The following TADA2A variants were observed in gnomAD, a reference collection of about 807,000 sequenced individuals.
TADA2A encodes transcriptional adapter 2-alpha.
In TADA2A, 38 loss-of-function variants were observed where a neutral mutation model predicts 67.4. The observed-to-expected ratio is 0.56, with a 90% confidence interval of 0.44 to 0.74. The LOEUF (loss-of-function observed/expected upper bound fraction) is 0.74, where lower values mean the gene tolerates loss of function less well. Among genes scored for constraint, TADA2A ranks in the 30% least tolerant of loss-of-function variants. TADA2A has a pLI of 0.00. For missense variants in TADA2A, 454 were observed against 547.0 expected (o/e 0.83, Z 1.70); for synonymous variants, 192 against 181.6 (o/e 1.06, Z -0.46).
intron 11 of TADA2A, 154 bp downstream of exon 11, chr17:37,465,695 T>C: frequency 7.1e-7 from 1 of 1,399,886 alleles, no homozygotes; most frequent in Non-Finnish European, 9.6e-7. Flanking sequence ...TTTGGGACTA[T>C]GGGGGTGGCA....
chr17:37,437,762 C>T lies in TADA2A; in HGVS notation c.217C>T (p.Pro73Ser). The T allele has an allele frequency of 6.2e-7, 1 of 1,614,102 alleles. No individual in the cohort carries two copies. Among genetic ancestry groups the T allele is most frequent in the South Asian group, 1.1e-5 (1 of 91,078 alleles). Residue 73 changes from proline (P) to serine (S), a missense_variant, in exon 5 of 16, where the codon CCC becomes TCC. Physicochemically the swap from Pro to Ser is moderately conservative, Grantham distance 74. This residue lies in a region of TADA2A where 403 missense variants were observed against 455.5 expected (regional missense o/e 0.88). Transcript: ENST00000615182. ...GACTTCAGATTTTCCTGTCCTTGAT[C>T]CCAGCTGGACTGCTCAAGAAGAAAT... ...IMTSDFPVLD[P>S]SWTAQEEMAL...
chr17:37,428,904 G>A (rs2052487179), intron 4 of TADA2A, among the ~76,000 whole-genome samples: 1 of 152,014 alleles, frequency 6.6e-6, no homozygotes, highest in South Asian at 2.1e-4. Context: ...AAATTAGCCA[G>A]GTGTGGTGGT....
At chr17:37,459,321 C>T (rs1049691734) in intron 9 of TADA2A, among the ~76,000 whole-genome samples, 1 of 148,812 alleles carries the variant, frequency 6.7e-6, no homozygotes, top group Non-Finnish European at 1.5e-5. Flanking sequence ...CTCGTTCTGT[C>T]ACCCAGGATG....
At chr17:37,442,690 T>A (rs370974340) in intron 7 of TADA2A, 38 bp downstream of exon 7, 37 of 1,590,822 alleles carry the variant, frequency 2.3e-5, no homozygotes, top group African/African-American at 5.4e-5. Context: ...GTAGGAAAAA[T>A]TCATTTTTGT....
chr17:37,435,251 A>G (rs1369503460), intron 4 of TADA2A, among the ~76,000 whole-genome samples: 1 of 152,212 alleles, frequency 6.6e-6, no homozygotes, highest in African/African-American at 2.4e-5. Flanking sequence ...CAATTTAAAT[A>G]CGAGACTACA....
chr17:37,434,010 A>G (rs956373309), intron 4 of TADA2A, among the ~76,000 whole-genome samples: 20 of 152,086 alleles, frequency 1.3e-4, no homozygotes, highest in African/African-American at 4.6e-4. Flanking sequence ...ACTAGTAACT[A>G]TAGATTTTAT....
At chr17:37,459,510 C>G (rs2053492688) in intron 9 of TADA2A, among the ~76,000 whole-genome samples, 1 of 151,108 alleles carries the variant, frequency 6.6e-6, no homozygotes, top group Non-Finnish European at 1.5e-5. Context: ...CTTGAACTCC[C>G]CACCTTAAGT....
At chr17:37,432,093 C>T (rs539326806) in intron 4 of TADA2A, among the ~76,000 whole-genome samples, 1 of 152,022 alleles carries the variant, frequency 6.6e-6, no homozygotes, top group South Asian at 2.1e-4. Context: ...TATTCTAGAA[C>T]TGCATATATA....
chr17:37,465,649 TTCTC>T (rs752359981), intron 11 of TADA2A, 108 bp downstream of exon 11: 3 of 1,529,652 alleles, frequency 2.0e-6, no homozygotes, highest in Non-Finnish European at 2.6e-6. Flanking sequence ...AAATGGATAT[TTCTC>T]TCTTTGTTCC....
At chr17:37,423,748 C>CTTTTTTT in intron 3 of TADA2A, 133 bp downstream of exon 3, 1 of 635,884 alleles carries the variant, frequency 1.6e-6, no homozygotes. Context: ...TTTTCTTTTT[C>CTTTTTTT]TTTCTTTTTT....
chr17:37,433,622 G>A (rs2052635265), intron 4 of TADA2A, among the ~76,000 whole-genome samples: 1 of 151,928 alleles, frequency 6.6e-6, no homozygotes, highest in Admixed American at 6.6e-5. Flanking sequence ...TCACACCAGT[G>A]CACTCCAGCC....
intron 8 of TADA2A, chr17:37,450,632 A>G (rs761172946): frequency 2.0e-5 from 3 of 152,234 alleles, no homozygotes; most frequent in African/African-American, 4.8e-5. Context: ...CCTTGTAGCA[A>G]TGGACAAATT....
At chr17:37,470,637 C>G in intron 13 of TADA2A, 105 bp downstream of exon 13, 1 of 1,238,776 alleles carries the variant, frequency 8.1e-7, no homozygotes. Flanking sequence ...AATTGAGTAG[C>G]TGGAAGAATT....
chr17:37,420,224 A>G (rs2052190077), intron 2 of TADA2A, among the ~76,000 whole-genome samples: 1 of 146,060 alleles, frequency 6.8e-6, no homozygotes. Context: ...CTGGGGCAGA[A>G]GGATCACTTG....
chr17:37,474,912 T>C (rs370904925), intron 15 of TADA2A, among the ~76,000 whole-genome samples: 1 of 152,192 alleles, frequency 6.6e-6, no homozygotes, highest in African/African-American at 2.4e-5. Context: ...GCACTTACCA[T>C]GTGCTACTCT....
intron 10 of TADA2A, among the ~76,000 whole-genome samples, chr17:37,463,757 A>G (rs1170285493): frequency 1.3e-5 from 2 of 150,850 alleles, no homozygotes; most frequent in Non-Finnish European, 3.0e-5. Flanking sequence ...TGATTCTCCC[A>G]CCTCAGCCTC....
chr17:37,419,327 C>T (rs1473710473), intron 2 of TADA2A, among the ~76,000 whole-genome samples: 1 of 145,006 alleles, frequency 6.9e-6, no homozygotes, highest in Admixed American at 7.0e-5. Context: ...CACCACTGCA[C>T]CTGCCTAATT....
intron 8 of TADA2A, among the ~76,000 whole-genome samples, chr17:37,445,227 G>A (rs2147982054): frequency 6.6e-6 from 1 of 152,272 alleles, no homozygotes; most frequent in African/African-American, 2.4e-5. Flanking sequence ...GGAATTTCTT[G>A]TTTCTCAGGA....
chr17:37,439,184 C>T (rs957366816), intron 5 of TADA2A, among the ~76,000 whole-genome samples: 2 of 152,038 alleles, frequency 1.3e-5, no homozygotes, highest in Non-Finnish European at 2.9e-5. Context: ...TCACTATAAC[C>T]CCGAACTCCT....
Sources: allele counts gnomAD v4.1 joint callset (sites outside exome capture counted in the v4.1 genomes callset), GRCh38; gene constraint gnomAD v4.1.1; regional missense constraint gnomAD v4.1.1; transcripts MANE v1.5; gene names NCBI Gene and HGNC (gene_info 2026-07-23, HGNC 2026-07-21).